EFR3A: variants seen among roughly 807,000 people sequenced by gnomAD.
EFR3A encodes protein EFR3 homolog A.
A neutral mutation model predicts 104.4 loss-of-function variants in EFR3A; 76 were observed. The observed-to-expected ratio is 0.73, with a 90% CI of 0.60 to 0.88. EFR3A has a LOEUF of 0.88. EFR3A is among the 40% of genes least tolerant of loss of function. EFR3A has a pLI of 0.00. For synonymous variants in EFR3A, 330 were observed against 330.0 expected, an observed-to-expected ratio of 1.00 and a Z score of 0.00; for missense variants, 985 against 1,012.5, an observed-to-expected ratio of 0.97 and a Z score of 0.37.
chr8:131,919,618 A>AT, intron 1 of EFR3A, among the ~76,000 whole-genome samples: 1 of 150,550 alleles, frequency 6.6e-6, no homozygotes, highest in African/African-American at 2.5e-5. Flanking sequence ...AAAAAAAAAA[A>AT]TTTACCTGTT....
chr8:131,912,986 T>A (rs1414609747), intron 1 of EFR3A, among the ~76,000 whole-genome samples: 1 of 96,888 alleles, frequency 1.0e-5, no homozygotes, highest in Non-Finnish European at 2.3e-5. Flanking sequence ...CTTGTATTTT[T>A]TTTTTTTTTT....
At chr8:132,002,761 CT>C in intron 21 of EFR3A, 55 bp downstream of exon 21, 1 of 1,405,746 alleles carries the variant, frequency 7.1e-7, no homozygotes, top group East Asian at 2.3e-5. Flanking sequence ...TGTGGAAACT[CT>C]TCCTTGGTGA....
chr8:131,953,917 G>A lies in EFR3A; in HGVS notation c.588G>A (p.Lys196=). ...ATIWEPQHMD[K]IVPSLLFNMQ... is the part of the protein sequence containing the mutation. ...TTTGGGAACCTCAGCATATGGATAA[G>A]ATTGTTCCATCCCTCCTGTTTAACA... Residue 196 remains lysine, a synonymous_variant, in exon 6 of 23, where the codon AAG becomes AAA. Coordinates refer to ENST00000254624, the MANE Select transcript of EFR3A (RefSeq NM_015137.6). The A allele has an allele frequency of 3.2e-6, 5 of 1,572,402 alleles. No homozygotes were observed. Among genetic ancestry groups the A allele is most frequent in the Non-Finnish European group, 4.3e-6 (5 of 1,157,592 alleles).
intron 1 of EFR3A, among the ~76,000 whole-genome samples, chr8:131,927,592 T>C (rs1033818047): frequency 6.6e-6 from 1 of 152,180 alleles, no homozygotes; most frequent in Admixed American, 6.5e-5. Flanking sequence ...GTCGGTATAG[T>C]ATTACATGGT....
At chr8:131,978,724 C>T in intron 12 of EFR3A, 123 bp from the exon 13 acceptor site, 1 of 759,626 alleles carries the variant, frequency 1.3e-6, no homozygotes, top group South Asian at 3.6e-5. Context: ...TCTTTTATGT[C>T]TTTTCTCCAG....
chr8:131,937,296 GTAT>G (rs1438299790), intron 1 of EFR3A, among the ~76,000 whole-genome samples: 1 of 152,098 alleles, frequency 6.6e-6, no homozygotes, highest in Non-Finnish European at 1.5e-5. Flanking sequence ...CACTTTTTAT[GTAT>G]TATTAATTTA....
intron 10 of EFR3A, among the ~76,000 whole-genome samples, chr8:131,974,049 A>G (rs909881599): frequency 7.9e-5 from 12 of 152,238 alleles, no homozygotes. Flanking sequence ...CAAAAATAAG[A>G]GTTTTTCCTT....
chr8:131,947,092 T>C (rs1010995327), intron 4 of EFR3A, among the ~76,000 whole-genome samples: 1 of 152,050 alleles, frequency 6.6e-6, no homozygotes, highest in African/African-American at 2.4e-5. Flanking sequence ...GTAGTAACTG[T>C]GTTTAACTGT....
In EFR3A at chr8:132,002,603, A is replaced by T; in HGVS notation, c.2207A>T (p.Asp736Val). The change falls in exon 21 of 23, where the codon GAT becomes GTT. Residue 736 changes from aspartate (D) to valine (V), a missense_variant and splice_region_variant. Transcript: ENST00000254624. ...TAAGTCTTTATAAATATTTGTATAGATACCAGTGGAATGGAAGAACAGGAA... is the reference window on the plus strand; with the variant it reads ...TAAGTCTTTATAAATATTTGTATAGTTACCAGTGGAATGGAAGAACAGGAA... ...ITFEALKKAI[D>V]TSGMEEQEKE... The T allele has an allele frequency of 1.2e-6, 2 of 1,609,256 alleles. No individual in the cohort carries two copies. Among genetic ancestry groups the T allele is most frequent in the Non-Finnish European group, 1.7e-6 (2 of 1,175,702 alleles).
intron 16 of EFR3A, among the ~76,000 whole-genome samples, chr8:131,985,631 T>G (rs756682907): frequency 4.6e-5 from 7 of 152,244 alleles, no homozygotes; most frequent in Non-Finnish European, 7.3e-5. Context: ...AAGCACATCA[T>G]TTAGTCCTTG....
chr8:132,002,928 G>A lies in EFR3A; in HGVS notation c.2310+222G>A, dbSNP rs561110884. ...TAGTGGAACTGTTTTCCCAAATTAA[G>A]TATTAGTGATTGTTATTGTTTTGAT... On this transcript the variant is annotated intron_variant, in intron 21 of 22. Coordinates refer to ENST00000254624, the MANE Select transcript of EFR3A (RefSeq NM_015137.6). Among the ~76,000 whole-genome samples the A allele has an allele frequency of 2.0e-5, 3 of 152,226 alleles. No individual in the cohort carries two copies. The East Asian group carries it at 5.8e-4, about 29-fold the overall frequency.
At chr8:131,957,349 TC>T (rs1819055082) in intron 7 of EFR3A, among the ~76,000 whole-genome samples, 1 of 146,914 alleles carries the variant, frequency 6.8e-6, no homozygotes, top group South Asian at 2.1e-4. Context: ...AGGGCCAGGG[TC>T]TTTTTTTTTT....
At chr8:131,978,708 C>A in intron 12 of EFR3A, 139 bp from the exon 13 acceptor site, 1 of 651,354 alleles carries the variant, frequency 1.5e-6, no homozygotes, top group Non-Finnish European at 2.4e-6. Flanking sequence ...CATTACTTTG[C>A]ACATTTCTTT....
At chr8:131,968,644 T>G (rs904460362) in intron 9 of EFR3A, among the ~76,000 whole-genome samples, 1 of 152,158 alleles carries the variant, frequency 6.6e-6, no homozygotes, top group South Asian at 2.1e-4. Context: ...CTCCTCCCTT[T>G]CCTTCTTCTA....
intron 19 of EFR3A, among the ~76,000 whole-genome samples, chr8:131,997,712 T>A (rs1821566614): frequency 6.6e-6 from 1 of 152,076 alleles, no homozygotes; most frequent in South Asian, 2.1e-4. Context: ...AATTTGCCAC[T>A]ATTACCTTTC....
At chr8:131,962,604 G>A (rs7826663) in intron 8 of EFR3A, among the ~76,000 whole-genome samples, 51,414 of 151,918 alleles carry the variant, frequency 0.34, 9,064 homozygotes, top group East Asian at 0.61. Context: ...CCACACAATA[G>A]TAGTGGGAGA....
At position 132,002,587 on chromosome 8, in the gene EFR3A, A is replaced by G. The variant is rs1821836284; in HGVS notation, c.2207-16A>G. ...TATGTATTCCCTTTAATAAGTCTTT[A>G]TAAATATTTGTATAGATACCAGTGG... On this transcript the variant is annotated splice_polypyrimidine_tract_variant and intron_variant, in intron 20 of 22. Transcript: ENST00000254624. 6.3e-7 allele frequency: 1 copy of G among 1,590,598 alleles called. No individual in the cohort carries two copies. Among genetic ancestry groups the G allele is most frequent in the Non-Finnish European group, 8.6e-7 (1 of 1,160,186 alleles).
intron 18 of EFR3A, among the ~76,000 whole-genome samples, chr8:131,988,647 A>T (rs898959293): frequency 1.3e-5 from 2 of 152,040 alleles, no homozygotes; most frequent in East Asian, 1.9e-4. Context: ...TTAAAATATT[A>T]AAAAAACATT....
At chr8:131,977,844 A>G (rs959728938) in intron 12 of EFR3A, among the ~76,000 whole-genome samples, 9 of 151,986 alleles carry the variant, frequency 5.9e-5, no homozygotes, top group Admixed American at 5.9e-4. Flanking sequence ...AGTTTTTTCT[A>G]TATGTTTTGC....
Sources: gnomAD v4.1 joint callset for allele counts (sites outside exome capture counted in the v4.1 genomes callset) on GRCh38, gnomAD v4.1.1 for gene constraint, MANE v1.5 for transcripts, NCBI Gene and HGNC (gene_info 2026-07-23, HGNC 2026-07-21) for gene names.